GRM5: variants seen among roughly 807,000 people sequenced by gnomAD.
GRM5 encodes metabotropic glutamate receptor 5.
GRM5 carries 19 observed loss-of-function variants against 83.1 expected under a neutral mutation model. That is an observed-to-expected ratio of 0.23 (90% CI 0.16 to 0.34). The LOEUF (loss-of-function observed/expected upper bound fraction) is 0.34, where lower values mean the gene tolerates loss of function less well. Among genes scored for constraint, GRM5 ranks in the 10% least tolerant of loss-of-function variants. The probability of loss-of-function intolerance (pLI) is 1.00; values close to 1 mark genes in which losing one functional copy is unlikely to be tolerated. For missense variants in GRM5, 1,160 were observed against 1,588.3 expected, an observed-to-expected ratio of 0.73 and a Z score of 4.58; for synonymous variants, 675 against 633.6, an observed-to-expected ratio of 1.07 and a Z score of -0.98.
intron 3 of GRM5, among the ~76,000 whole-genome samples, chr11:88,807,386 T>G (rs1421621097): frequency 1.3e-5 from 2 of 152,154 alleles, no homozygotes; most frequent in Non-Finnish European, 2.9e-5. Context: ...CAATAAAATC[T>G]TGTCACTTTA....
intron 4 of GRM5, among the ~76,000 whole-genome samples, chr11:88,633,201 G>A (rs1447559270): frequency 6.6e-6 from 1 of 152,054 alleles, no homozygotes; most frequent in East Asian, 1.9e-4. Flanking sequence ...ATGACTAAAA[G>A]AAATGGCTTT....
At chr11:89,002,874 C>T (rs553683407) in intron 2 of GRM5, among the ~76,000 whole-genome samples, 60 of 152,146 alleles carry the variant, frequency 3.9e-4, no homozygotes, top group African/African-American at 1.3e-3. Context: ...CTCTAAAGTC[C>T]TCTTCTCAGT....
intron 3 of GRM5, among the ~76,000 whole-genome samples, chr11:88,786,705 A>G (rs76164025): frequency 0.017 from 2,516 of 152,160 alleles, 44 homozygotes; most frequent in East Asian, 0.067. Flanking sequence ...ATTTTAAAAC[A>G]TCATTCCCAC....
rs545133495 is a variant in GRM5 at position 88,872,281 on chromosome 11, A to G, written c.662-22126T>C. 2.0e-5 allele frequency among the ~76,000 whole-genome samples: 3 copies of G among 151,722 alleles called. No homozygotes were observed. In the South Asian group the frequency reaches 6.2e-4, roughly 31 times the overall value. On this transcript the variant is annotated intron_variant, in intron 2 of 9. Coordinates refer to ENST00000305447, the MANE Select transcript of GRM5 (RefSeq NM_001143831.3). ...GATGCAGGAAACAAGGCACTAACAC[A>G]GTGTAATAAGATAAATTCAATCATC... is the stretch of plus-strand genomic sequence containing the variant.
chr11:89,062,499 GAGA>G (rs1412954740), intron 1 of GRM5, among the ~76,000 whole-genome samples: 1 of 152,208 alleles, frequency 6.6e-6, no homozygotes, highest in South Asian at 2.1e-4. Context: ...GTAGCGAATG[GAGA>G]AGAAGGTGAA....
intron 8 of GRM5, among the ~76,000 whole-genome samples, chr11:88,562,161 T>A (rs1180890853): frequency 1.3e-5 from 2 of 151,968 alleles, no homozygotes; most frequent in Non-Finnish European, 2.9e-5. Context: ...ATAGAAAGAG[T>A]TAACAAATAG....
chr11:88,912,054 T>G (rs1475232634), intron 2 of GRM5: 1 of 467,826 alleles, frequency 2.1e-6, no homozygotes, highest in Non-Finnish European at 4.4e-6. Context: ...TACAATACTG[T>G]AAGTATTGGC....
chr11:88,978,587 G>A (rs531484365), intron 2 of GRM5, among the ~76,000 whole-genome samples: 23 of 149,690 alleles, frequency 1.5e-4, no homozygotes, highest in Middle Eastern at 3.5e-3. Flanking sequence ...GGCTGCAGTC[G>A]CATGTGGCTT....
chr11:88,991,861 T>C (rs1436966930), intron 2 of GRM5, among the ~76,000 whole-genome samples: 1 of 151,928 alleles, frequency 6.6e-6, no homozygotes, highest in East Asian at 1.9e-4. Flanking sequence ...CAAAAATCAA[T>C]TCAAGATGGA....
chr11:88,980,910 G>A (rs1326183381), intron 2 of GRM5, among the ~76,000 whole-genome samples: 1 of 151,894 alleles, frequency 6.6e-6, no homozygotes, highest in Admixed American at 6.6e-5. Context: ...TTGGACAAAT[G>A]GTGATGTAAA....
chr11:88,532,144 A>C (rs1942027007), intron 8 of GRM5, among the ~76,000 whole-genome samples: 1 of 152,186 alleles, frequency 6.6e-6, no homozygotes, highest in Non-Finnish European at 1.5e-5. Flanking sequence ...TTAGTAACTC[A>C]ATATGGAATG....
intron 2 of GRM5, among the ~76,000 whole-genome samples, chr11:89,015,214 T>A (rs1182679443): frequency 1.3e-5 from 2 of 152,220 alleles, no homozygotes; most frequent in East Asian, 3.8e-4. Context: ...TAAGCCTATT[T>A]CAAAGGATTG....
At chr11:88,564,773 A>G (rs7125252) in intron 8 of GRM5, among the ~76,000 whole-genome samples, 6,985 of 152,316 alleles carry the variant, frequency 0.046, 523 homozygotes, top group African/African-American at 0.16. Context: ...GAAGGCCTCC[A>G]TCCCTAAGGA....
At chr11:89,043,523 T>A (rs1941578129) in intron 2 of GRM5, among the ~76,000 whole-genome samples, 1 of 152,134 alleles carries the variant, frequency 6.6e-6, no homozygotes, top group African/African-American at 2.4e-5. Context: ...GCCCACAGCA[T>A]ATATTCTGTT....
intron 3 of GRM5, among the ~76,000 whole-genome samples, chr11:88,657,904 T>C (rs2135313058): frequency 6.6e-6 from 1 of 152,312 alleles, no homozygotes; most frequent in South Asian, 2.1e-4. Context: ...AGATGGCCTA[T>C]AACTCTGTTC....
At chr11:88,863,611 T>C (rs1944608668) in intron 2 of GRM5, among the ~76,000 whole-genome samples, 1 of 152,030 alleles carries the variant, frequency 6.6e-6, no homozygotes, top group African/African-American at 2.4e-5. Flanking sequence ...ATATATTATG[T>C]TGACCACATA....
At chr11:88,990,309 C>T (rs571177491) in intron 2 of GRM5, among the ~76,000 whole-genome samples, 1 of 152,008 alleles carries the variant, frequency 6.6e-6, no homozygotes, top group East Asian at 1.9e-4. Flanking sequence ...AAGACTAAAC[C>T]AGGAAGAAGT....
At chr11:88,568,868 C>G (rs1200975275) in intron 7 of GRM5, among the ~76,000 whole-genome samples, 1 of 152,142 alleles carries the variant, frequency 6.6e-6, no homozygotes, top group African/African-American at 2.4e-5. Context: ...TATAAGAAAA[C>G]TGACCCCAAA....
chr11:88,922,418 AAATC>A (rs1226887750), intron 2 of GRM5, among the ~76,000 whole-genome samples: 3 of 152,216 alleles, frequency 2.0e-5, no homozygotes, highest in Non-Finnish European at 4.4e-5. Context: ...ACACAGAAAT[AAATC>A]CATATATCAA....
Sources: gnomAD v4.1 joint callset for allele counts (sites outside exome capture counted in the v4.1 genomes callset) on GRCh38, gnomAD v4.1.1 for gene constraint, MANE v1.5 for transcripts, NCBI Gene and HGNC (gene_info 2026-07-23, HGNC 2026-07-21) for gene names.